Variants in COQ4 observed in about 807,000 individuals in gnomAD.
The protein encoded by COQ4 is ubiquinone biosynthesis protein COQ4 homolog, mitochondrial.
Under a neutral mutation model 30.2 loss-of-function variants are expected in COQ4, and 36 were observed. The observed-to-expected ratio is 1.19, with a 90% CI of 0.91 to 1.57. The LOEUF (loss-of-function observed/expected upper bound fraction) is 1.57, where lower values mean the gene tolerates loss of function less well. COQ4 is among the 40% of genes most tolerant of loss of function. COQ4 has a pLI of 0.00. For missense variants in COQ4, 369 were observed against 371.9 expected, an observed-to-expected ratio of 0.99 and a Z score of 0.07; for synonymous variants, 197 against 161.0, an observed-to-expected ratio of 1.22 and a Z score of -1.69.
At chr9:128,323,562 G>C (rs1199145848) in intron 2 of COQ4, 3 of 404,770 alleles carry the variant, frequency 7.4e-6, no homozygotes, top group Non-Finnish European at 1.3e-5. Context: ...CTCAATAAAT[G>C]TTTGCTGGAT....
intron 2 of COQ4, among the ~76,000 whole-genome samples, chr9:128,324,495 C>T (rs1278539449): frequency 6.6e-6 from 1 of 152,132 alleles, no homozygotes. Flanking sequence ...GTCTGCACTT[C>T]ACAAATTAAG....
chr9:128,325,941 G>T, intron 4 of COQ4, 60 bp downstream of exon 4: 1 of 1,421,640 alleles, frequency 7.0e-7, no homozygotes, highest in Non-Finnish European at 9.9e-7. Flanking sequence ...AATAGCACAG[G>T]CATGACACCC....
Position 128,323,054 on chromosome 9 carries a change from C to T in COQ4, c.109C>T (p.Leu37=). 6.2e-7 allele frequency: 1 copy of T among 1,612,284 alleles called. No homozygotes were observed. Residue 37 remains leucine, a synonymous_variant, in exon 2 of 7, where the codon CTA becomes TTA. Transcript: ENST00000300452. ...LRARSDGAGP[L]YSHHLPTSPL... ...GGCTAGGAGCGACGGCGCCGGCCCG[C>T]TATACTCGCACCACCTCCCCACCTC...
At chr9:128,330,395 TAAATA>T (rs912135086) in intron 4 of COQ4, 2 of 151,802 alleles carry the variant, frequency 1.3e-5, no homozygotes, top group African/African-American at 4.8e-5. Context: ...TAAAAATAAA[TAAATA>T]AAATGTGAGC....
intron 4 of COQ4, among the ~76,000 whole-genome samples, chr9:128,326,644 C>T (rs1199801453): frequency 6.6e-6 from 1 of 151,910 alleles, no homozygotes; most frequent in Non-Finnish European, 1.5e-5. Flanking sequence ...GGGGTTTCAC[C>T]GTGCTAGCCA....
At position 128,331,994 on chromosome 9, in the gene COQ4, G is replaced by A; in HGVS notation, c.403-159G>A. 3 of 754,598 alleles carry A rather than the reference G, an allele frequency of 4.0e-6. No individual in the cohort carries two copies. In the South Asian group the frequency reaches 5.7e-5, roughly 14 times the overall value. The allele number at this position is 754,598 out of a possible 1,614,324, so 46.7% of individuals were successfully genotyped here. The stretch of plus-strand genomic sequence containing the variant: ...TCCGCCCACCTTAGCCTCCCAAAGT[G>A]CTGGGATTTACAGGCATGAGCCTCG... On this transcript the variant is annotated intron_variant, in intron 4 of 6. Transcript: ENST00000300452.
At position 128,333,563 on chromosome 9, in the gene COQ4, G is replaced by A. The variant is rs1208121906; in HGVS notation, c.716G>A (p.Arg239Gln). 6.2e-6 allele frequency: 10 copies of A among 1,610,538 alleles called. No individual in the cohort carries two copies. The highest frequency in any genetic ancestry group is 1.1e-5 in the South Asian group (1 of 90,372). ...APCVLNLYYERRWEQSLRALR... is the reference protein window; with the variant it reads ...APCVLNLYYEQRWEQSLRALR... ...TGTGTCCTCAACCTGTACTATGAGC[G>A]GCGCTGGGAGCAGTCCCTGAGGGCT... Residue 239 changes from arginine (R) to glutamine (Q), a missense_variant, in exon 7 of 7, where the codon CGG becomes CAG. Arg to Gln is a conservative substitution (Grantham distance 43). Transcript: ENST00000300452.
At chr9:128,327,111 T>G (rs921439619) in intron 4 of COQ4, among the ~76,000 whole-genome samples, 1 of 152,096 alleles carries the variant, frequency 6.6e-6, no homozygotes, top group Non-Finnish European at 1.5e-5. Flanking sequence ...CCTGCCCTCA[T>G]TTCTATTCTA....
At chr9:128,326,246 T>G (rs1346092236) in intron 4 of COQ4, 1 of 431,756 alleles carries the variant, frequency 2.3e-6, no homozygotes, top group Non-Finnish European at 4.1e-6. Flanking sequence ...ATAACTGGTA[T>G]TAATGGAGAT....
rs979977296 is a variant in COQ4 at position 128,333,593 on chromosome 9, G to A, written c.746G>A (p.Arg249Gln). ...TGGGAGCAGTCCCTGAGGGCTCTGC[G>A]GGAGGAGCTGGGCATTACAGCACCA... The part of the protein sequence containing the change: ...RRWEQSLRAL[R>Q]EELGITAPPM... The change falls in exon 7 of 7, where the codon CGG becomes CAG. Residue 249 changes from arginine (R) to glutamine (Q), a missense_variant. Arg to Gln is a conservative substitution (Grantham distance 43, BLOSUM62 1). Coordinates refer to ENST00000300452, the MANE Select transcript of COQ4 (RefSeq NM_016035.5). 6.2e-6 allele frequency: 10 copies of A among 1,605,682 alleles called. No homozygotes were observed. Among genetic ancestry groups the A allele is most frequent in the East Asian group, 2.3e-5 (1 of 44,150 alleles).
At position 128,333,467 on chromosome 9, in the gene COQ4, C is replaced by G; in HGVS notation, c.627-7C>G. 1 of 1,508,876 alleles carries G rather than the reference C, an allele frequency of 6.6e-7. No homozygotes were observed. Among genetic ancestry groups the G allele is most frequent in the Non-Finnish European group, 8.9e-7 (1 of 1,129,384 alleles). The allele number at this position is 1,508,876 out of a possible 1,614,324, so 93.5% of individuals were successfully genotyped here. ...TGATGTTTTCTTTTTCCTCTGCTGC[C>G]CCACAGGAGCCTGCAAGTGCTGGTC... On this transcript the variant is annotated splice_region_variant and splice_polypyrimidine_tract_variant and intron_variant, in intron 6 of 6. Transcript: ENST00000300452.
chr9:128,325,207 G>A lies in COQ4; in HGVS notation c.267G>A (p.Met89Ile), dbSNP rs1375716421. ...CCCTGAAGGTCCTCAGGGACCAGATGAGGAGGGATCCAGAGGGTGCCCAGA... is the reference window on the plus strand; with the variant it reads ...CCCTGAAGGTCCTCAGGGACCAGATAAGGAGGGATCCAGAGGGTGCCCAGA... ...HRTLKVLRDQMRRDPEGAQIL... is the reference protein window; with the variant it reads ...HRTLKVLRDQIRRDPEGAQIL... Residue 89 changes from methionine (M) to isoleucine (I), a missense_variant, in exon 3 of 7, where the codon ATG becomes ATA. Coordinates refer to ENST00000300452, the MANE Select transcript of COQ4 (RefSeq NM_016035.5). 3 of 1,614,116 alleles carry A rather than the reference G, an allele frequency of 1.9e-6. No homozygotes were observed. The highest frequency in any genetic ancestry group is 2.5e-6 in the Non-Finnish European group (3 of 1,179,968).
intron 4 of COQ4, among the ~76,000 whole-genome samples, chr9:128,329,946 T>C (rs1832378325): frequency 6.6e-6 from 1 of 152,188 alleles, no homozygotes; most frequent in South Asian, 2.1e-4. Context: ...ACTGGCCTTT[T>C]ATTCATATGT....
chr9:128,329,514 C>T (rs533514562), intron 4 of COQ4, among the ~76,000 whole-genome samples: 24 of 152,248 alleles, frequency 1.6e-4, no homozygotes, highest in African/African-American at 4.3e-4. Context: ...GGACTACAGG[C>T]GCACGCCACC....
Position 128,323,518 on chromosome 9 carries a change from A to C in COQ4, c.202+371A>C, listed in dbSNP as rs140704235. On this transcript the variant is annotated intron_variant, in intron 2 of 6. Coordinates refer to ENST00000300452, the MANE Select transcript of COQ4 (RefSeq NM_016035.5). ...GTCTGCCTCGTTCCACTGCATCTGC[A>C]GCCTTCTGGATAGTGCCTGGCACAT... 20 of 445,496 alleles carry C rather than the reference A, an allele frequency of 4.5e-5. No homozygotes were observed. The East Asian group carries it at 6.4e-4, about 14-fold the overall frequency. 27.6% of individuals were successfully genotyped at this position (445,496 alleles called of 1,614,324 possible). A position where few individuals can be genotyped will look rare whatever the true frequency, so the allele number is the denominator to read the frequency against.
intron 2 of COQ4, among the ~76,000 whole-genome samples, chr9:128,324,326 C>T (rs1832280151): frequency 6.6e-6 from 1 of 151,654 alleles, no homozygotes; most frequent in African/African-American, 2.4e-5. Flanking sequence ...CGTCTTGCCA[C>T]GTTGCCCAGG....
chr9:128,333,439 A>G, intron 6 of COQ4, 35 bp from the exon 7 acceptor site: 1 of 1,482,174 alleles, frequency 6.7e-7, no homozygotes, highest in Non-Finnish European at 9.0e-7. Flanking sequence ...GGCCCCAGGG[A>G]CTTGATGTTT....
chr9:128,330,225 T>C (rs1832382266), intron 4 of COQ4, among the ~76,000 whole-genome samples: 1 of 148,318 alleles, frequency 6.7e-6, no homozygotes, highest in South Asian at 2.1e-4. Flanking sequence ...AAAAAAAAAT[T>C]AGCCGGGTGT....
Position 128,333,489 on chromosome 9 carries a change from G to C in COQ4, c.642G>C (p.Leu214=). ...IRLGAQSLQV[L]VSELIPWAVQ... is the part of the protein sequence containing the mutation. ...TGCCCCACAGGAGCCTGCAAGTGCTGGTCTCGGAGTTGATCCCATGGGCCG... is the reference window on the plus strand; with the variant it reads ...TGCCCCACAGGAGCCTGCAAGTGCTCGTCTCGGAGTTGATCCCATGGGCCG... Residue 214 remains leucine (L), a synonymous_variant, in exon 7 of 7, where the codon CTG becomes CTC. Coordinates refer to ENST00000300452, the MANE Select transcript of COQ4 (RefSeq NM_016035.5). 2 of 1,543,834 alleles carry C rather than the reference G, an allele frequency of 1.3e-6. No homozygotes were observed. The highest frequency in any genetic ancestry group is 1.7e-6 in the Non-Finnish European group (2 of 1,148,040).
Sources: gnomAD v4.1 joint callset for allele counts (sites outside exome capture counted in the v4.1 genomes callset) on GRCh38, gnomAD v4.1.1 for gene constraint, MANE v1.5 for transcripts, NCBI Gene and HGNC (gene_info 2026-07-23, HGNC 2026-07-21) for gene names.